Variants in CGNL1 observed in about 807,000 individuals in gnomAD.
The protein encoded by CGNL1 is cingulin like 1.
A neutral mutation model predicts 141.2 loss-of-function variants in CGNL1; 132 were observed. The observed-to-expected ratio is 0.93, with a 90% CI of 0.81 to 1.08. The LOEUF is 1.08. CGNL1 is among the 50% of genes least tolerant of loss of function. The pLI, the probability that CGNL1 is intolerant of heterozygous loss-of-function variation, is 0.00. For synonymous variants in CGNL1, 690 were observed against 622.1 expected (o/e 1.11, Z -1.63); for missense variants, 1,870 against 1,588.6 (o/e 1.18, Z -3.01).
chr15:57,426,333 C>A (rs964572455), intron 1 of CGNL1, among the ~76,000 whole-genome samples: 1 of 151,964 alleles, frequency 6.6e-6, no homozygotes, highest in Non-Finnish European at 1.5e-5. Flanking sequence ...TTAGTAGAGA[C>A]AGGGTTTCAC....
chr15:57,536,475 A>C (rs1224884059), intron 14 of CGNL1, among the ~76,000 whole-genome samples: 1 of 151,912 alleles, frequency 6.6e-6, no homozygotes, highest in Non-Finnish European at 1.5e-5. Flanking sequence ...GCTATGAAGG[A>C]GAAGGGATGG....
rs1466185906 is a variant in CGNL1, at chr15:57,503,353, G to A, written c.2404-13427G>A. On this transcript the variant is annotated intron_variant, in intron 8 of 18. Coordinates refer to ENST00000281282, the MANE Select transcript of CGNL1 (RefSeq NM_032866.5). ...TGGGTATCTTAGGGGTCAGGCTGGGGTCCCCAAGGTCAGAGTACCCTGCCA... is the reference window on the plus strand; with the variant it reads ...TGGGTATCTTAGGGGTCAGGCTGGGATCCCCAAGGTCAGAGTACCCTGCCA... Among the ~76,000 whole-genome samples the A allele has an allele frequency of 2.0e-5, 3 of 152,310 alleles. No individual in the cohort carries two copies. The East Asian group carries it at 5.8e-4, about 29-fold the overall frequency.
At chr15:57,405,709 G>C (rs1425752481) in intron 1 of CGNL1, among the ~76,000 whole-genome samples, 1 of 151,900 alleles carries the variant, frequency 6.6e-6, no homozygotes, top group Non-Finnish European at 1.5e-5. Flanking sequence ...TAAGAAGATA[G>C]AAAAACTCGC....
Position 57,438,184 on chromosome 15 carries a change from G to T in CGNL1, c.185G>T (p.Arg62Leu), listed in dbSNP as rs754696787. The part of the protein sequence containing the change: ...HPYIVLNNTE[R>L]CLAGTSFSEN... Reference sequence around the variant, plus strand: ...TATATTGTCCTGAATAACACAGAACGGTGCCTAGCAGGCACATCGTTTTCT... The same window carrying T: ...TATATTGTCCTGAATAACACAGAACTGTGCCTAGCAGGCACATCGTTTTCT... The change falls in exon 2 of 19, where the codon CGG becomes CTG. Residue 62 changes from arginine (R) to leucine (L), a missense_variant. Transcript: ENST00000281282. 2.2e-5 allele frequency: 35 copies of T among 1,613,842 alleles called. No homozygotes were observed. The highest frequency in any genetic ancestry group is 2.9e-5 in the Non-Finnish European group (34 of 1,179,930).
chr15:57,466,714 C>A (rs1595733931), intron 8 of CGNL1, among the ~76,000 whole-genome samples: 1 of 152,174 alleles, frequency 6.6e-6, no homozygotes, highest in Non-Finnish European at 1.5e-5. Context: ...GAGTCCTCAA[C>A]AATCTGAAGA....
chr15:57,439,454 C>G lies in CGNL1; in HGVS notation c.1455C>G (p.Pro485=). The G allele has an allele frequency of 6.2e-7, 1 of 1,614,198 alleles. No individual in the cohort carries two copies. Among genetic ancestry groups the G allele is most frequent in the Non-Finnish European group, 8.5e-7 (1 of 1,180,042 alleles). The change falls in exon 2 of 19, where the codon CCC becomes CCG. Residue 485 remains proline (P), a synonymous_variant. Coordinates refer to ENST00000281282, the MANE Select transcript of CGNL1 (RefSeq NM_032866.5). ...AGGAAAGTACAGTGATCCGTGCGCC[C>G]TCCCTTGGTGCACAGAGTAAAAAGG... ...GSQESTVIRA[P]SLGAQSKKEE...
intron 8 of CGNL1, among the ~76,000 whole-genome samples, chr15:57,467,023 A>AT (rs796331923): frequency 1.0e-3 from 152 of 152,292 alleles, no homozygotes; most frequent in African/African-American, 3.6e-3. Context: ...GGTTGAAGAC[A>AT]TGTGAGATAC....
In CGNL1 at chr15:57,550,456, A is replaced by G. The variant is rs2033063167; in HGVS notation, c.*2966A>G. 2.6e-5 allele frequency: 4 copies of G among 152,668 alleles called. No homozygotes were observed. The highest frequency in any genetic ancestry group is 5.9e-5 in the Non-Finnish European group (4 of 68,042). 9.5% of individuals were successfully genotyped at this position (152,668 alleles called of 1,614,324 possible). On this transcript the variant is annotated 3_prime_UTR_variant, in exon 19 of 19. Coordinates refer to ENST00000281282, the MANE Select transcript of CGNL1 (RefSeq NM_032866.5). ...TCTTTAGCTAGCTTAAAAAGAAAAC[A>G]TATATTTTATGTAAAAACACATACA...
At chr15:57,518,563 G>T in intron 10 of CGNL1, 66 bp downstream of exon 10, 1 of 1,049,764 alleles carries the variant, frequency 9.5e-7, no homozygotes, top group Non-Finnish European at 1.4e-6. Context: ...ACACCAGAGG[G>T]ATGTGTGGAG....
Position 57,407,362 on chromosome 15 carries a change from G to A in CGNL1, c.-15-30623G>A, listed in dbSNP as rs565927090. 1.1e-4 allele frequency: 16 copies of A among 152,134 alleles called. 1 individual carries two copies. Among genetic ancestry groups the A allele is most frequent in the Admixed American group, 8.5e-4 (13 of 15,280 alleles). The allele number at this position is 152,134 out of a possible 1,614,324, so 9.4% of individuals were successfully genotyped here. A position where few individuals can be genotyped will look rare whatever the true frequency, so the allele number is the denominator to read the frequency against. On this transcript the variant is annotated intron_variant, in intron 1 of 18. Coordinates refer to ENST00000281282, the MANE Select transcript of CGNL1 (RefSeq NM_032866.5). Reference sequence around the variant, plus strand: ...AAAAAATGTTTAAATAAGTAATTGCGAAAAAATAGGGGGTTTTGCCAGGCA... The same window carrying A: ...AAAAAATGTTTAAATAAGTAATTGCAAAAAAATAGGGGGTTTTGCCAGGCA...
At chr15:57,464,651 T>C (rs2063487073) in intron 8 of CGNL1, among the ~76,000 whole-genome samples, 2 of 152,028 alleles carry the variant, frequency 1.3e-5, no homozygotes, top group South Asian at 4.2e-4. Flanking sequence ...GCCTTGCTTT[T>C]GAATTTCTCT....
rs1226549302 is a variant in CGNL1 at position 57,550,039 on chromosome 15, G to A, written c.*2549G>A. The A allele has an allele frequency of 1.3e-5, 2 of 152,222 alleles. No individual in the cohort carries two copies. The highest frequency in any genetic ancestry group is 2.4e-5 in the African/African-American group (1 of 41,444). 9.4% of individuals were successfully genotyped at this position (152,222 alleles called of 1,614,324 possible). ...CTGGCCAGTTCTTTCCAGTAGCCAT[G>A]GGGCTGGCTACAAGAAGCAAAACTG... On this transcript the variant is annotated 3_prime_UTR_variant, in exon 19 of 19. Coordinates refer to ENST00000281282, the MANE Select transcript of CGNL1 (RefSeq NM_032866.5).
chr15:57,386,354 G>A (rs1198367271), intron 1 of CGNL1, among the ~76,000 whole-genome samples: 1 of 152,198 alleles, frequency 6.6e-6, no homozygotes, highest in Non-Finnish European at 1.5e-5. Context: ...CTCTGCACGT[G>A]TGAAACTAGC....
intron 13 of CGNL1, among the ~76,000 whole-genome samples, chr15:57,529,547 C>T (rs907651620): frequency 1.4e-5 from 2 of 140,106 alleles, no homozygotes; most frequent in Non-Finnish European, 3.0e-5. Context: ...AGGAGCAAAA[C>T]TAACCCCCAG....
chr15:57,395,494 G>A (rs763702187), intron 1 of CGNL1, among the ~76,000 whole-genome samples: 27 of 152,226 alleles, frequency 1.8e-4, no homozygotes, highest in Non-Finnish European at 3.1e-4. Flanking sequence ...GATGGCTACT[G>A]AATGCCCAGG....
intron 8 of CGNL1, among the ~76,000 whole-genome samples, chr15:57,470,184 T>C (rs905931920): frequency 6.6e-6 from 1 of 150,616 alleles, no homozygotes; most frequent in Non-Finnish European, 1.5e-5. Context: ...TAGAGTGACA[T>C]GGAACTTTCC....
At chr15:57,480,109 A>G (rs1199956100) in intron 8 of CGNL1, among the ~76,000 whole-genome samples, 3 of 152,328 alleles carry the variant, frequency 2.0e-5, no homozygotes, top group Admixed American at 6.5e-5. Context: ...CTTTTGAAAT[A>G]AAGTGTGAAC....
At chr15:57,522,361 G>A (rs1038374395) in intron 10 of CGNL1, among the ~76,000 whole-genome samples, 6 of 152,218 alleles carry the variant, frequency 3.9e-5, no homozygotes, top group African/African-American at 1.4e-4. Context: ...AGGAGAGTCC[G>A]AAGTGATTTG....
chr15:57,445,376 A>G lies in CGNL1; in HGVS notation c.1803+2898A>G, dbSNP rs1336989711. ...GACTGTTTAATTGCCACGTTTTCCT[A>G]CTCCTCTTCCCTCCCTCTTAGGTTT... On this transcript the variant is annotated intron_variant, in intron 4 of 18. Transcript: ENST00000281282. Among the ~76,000 whole-genome samples the G allele has an allele frequency of 2.0e-5, 3 of 151,946 alleles. No homozygotes were observed. In the East Asian group the frequency reaches 5.8e-4, roughly 29 times the overall value.
Sources: allele counts gnomAD v4.1 joint callset (sites outside exome capture counted in the v4.1 genomes callset), GRCh38; gene constraint gnomAD v4.1.1; transcripts MANE v1.5; gene names NCBI Gene and HGNC (gene_info 2026-07-23, HGNC 2026-07-21).